RPS6KC1: variants seen among roughly 807,000 people sequenced by gnomAD.
RPS6KC1 encodes the protein inactive ribosomal protein S6 kinase delta-1.
A neutral mutation model predicts 103.8 loss-of-function variants in RPS6KC1; 54 were observed. The observed-to-expected ratio is 0.52, with a 90% CI of 0.42 to 0.65. The LOEUF (loss-of-function observed/expected upper bound fraction) is 0.65, where lower values mean the gene tolerates loss of function less well. Among genes scored for constraint, RPS6KC1 ranks in the 30% least tolerant of loss-of-function variants. RPS6KC1 has a pLI of 0.00. For synonymous variants in RPS6KC1, 439 were observed against 438.7 expected (o/e 1.00, Z -0.01); for missense variants, 1,151 against 1,253.8 (o/e 0.92, Z 1.24).
At chr1:213,521,570 T>C in the RPS6KC1 span, among the ~76,000 whole-genome samples, 1 of 152,314 alleles carries the variant, frequency 6.6e-6, no homozygotes, top group South Asian at 2.1e-4. Context: ...TACTGTTTGA[T>C]AGCATTTTAC....
the RPS6KC1 span, among the ~76,000 whole-genome samples, chr1:213,363,600 CGCTCGCTTGCTT>C: frequency 1.3e-3 from 96 of 76,582 alleles, 10 homozygotes; most frequent in African/African-American, 7.0e-3. Context: ...AGCCCTTGCT[CGCTCGCTTGCTT>C]GCTTGCTTGC....
At chr1:213,548,816 C>A in the RPS6KC1 span, among the ~76,000 whole-genome samples, 2 of 152,080 alleles carry the variant, frequency 1.3e-5, no homozygotes, top group Non-Finnish European at 2.9e-5. Flanking sequence ...TATTATAATT[C>A]TTGGAACTGT....
chr1:213,817,420 C>T, the RPS6KC1 span, among the ~76,000 whole-genome samples: 5 of 152,120 alleles, frequency 3.3e-5, no homozygotes, highest in South Asian at 1.0e-3. Flanking sequence ...ACTATTCCTA[C>T]AAGGCACTGG....
intron 7 of RPS6KC1, 78 bp from the exon 8 acceptor site, chr1:213,176,322 C>A: frequency 2.5e-6 from 2 of 791,652 alleles, no homozygotes; most frequent in South Asian, 2.4e-5. Flanking sequence ...TTTCCTTTGG[C>A]CTGGCATTTG....
At chr1:213,550,205 T>C in the RPS6KC1 span, among the ~76,000 whole-genome samples, 1 of 152,198 alleles carries the variant, frequency 6.6e-6, no homozygotes, top group Admixed American at 6.5e-5. Flanking sequence ...ATAGATATTA[T>C]GAAGTGAGAT....
chr1:213,633,629 A>T, the RPS6KC1 span, among the ~76,000 whole-genome samples: 8 of 152,000 alleles, frequency 5.3e-5, no homozygotes, highest in African/African-American at 1.9e-4. Flanking sequence ...CTAGGAAGAA[A>T]CCACACCAAC....
At chr1:213,507,341 G>A in the RPS6KC1 span, among the ~76,000 whole-genome samples, 1 of 152,146 alleles carries the variant, frequency 6.6e-6, no homozygotes, top group African/African-American at 2.4e-5. Flanking sequence ...CGCAGGGTGG[G>A]GGGCTGAAAT....
the RPS6KC1 span, among the ~76,000 whole-genome samples, chr1:213,741,113 C>G: frequency 6.7e-6 from 1 of 149,628 alleles, no homozygotes; most frequent in Admixed American, 6.7e-5. Context: ...GGGGCATTAT[C>G]TTTTTCTAAT....
intron 8 of RPS6KC1, among the ~76,000 whole-genome samples, chr1:213,202,590 G>A (rs1573237571): frequency 6.6e-6 from 1 of 152,078 alleles, no homozygotes; most frequent in East Asian, 1.9e-4. Flanking sequence ...TCAAACCTGG[G>A]CGATAGAGTG....
At chr1:213,815,279 T>G in the RPS6KC1 span, among the ~76,000 whole-genome samples, 1 of 152,210 alleles carries the variant, frequency 6.6e-6, no homozygotes, top group Non-Finnish European at 1.5e-5. Context: ...TTAAACCTCT[T>G]TCCCAGTTTC....
At chr1:213,116,454 G>A (rs1230738398) in intron 4 of RPS6KC1, among the ~76,000 whole-genome samples, 1 of 47,528 alleles carries the variant, frequency 2.1e-5, no homozygotes. Context: ...GTCTCTGCAC[G>A]TGAGATGGGT....
chr1:213,343,389 G>GTATATATATA, the RPS6KC1 span, among the ~76,000 whole-genome samples: 4 of 65,864 alleles, frequency 6.1e-5, 2 homozygotes, highest in African/African-American at 3.0e-4. Flanking sequence ...TCAGTGTTGT[G>GTATATATATA]TGTATATATA....
the RPS6KC1 span, among the ~76,000 whole-genome samples, chr1:213,356,474 G>A: frequency 6.6e-6 from 1 of 152,128 alleles, no homozygotes; most frequent in Non-Finnish European, 1.5e-5. Flanking sequence ...GGCCAACATG[G>A]TGAAACACTG....
At chr1:213,686,513 G>A in the RPS6KC1 span, among the ~76,000 whole-genome samples, 1 of 152,174 alleles carries the variant, frequency 6.6e-6, no homozygotes, top group Non-Finnish European at 1.5e-5. Context: ...GTCTAAACTT[G>A]CCATCATGGT....
chr1:213,254,150 A>G (rs184503794), intron 12 of RPS6KC1, among the ~76,000 whole-genome samples: 27 of 139,114 alleles, frequency 1.9e-4, no homozygotes, highest in Admixed American at 1.5e-3. Context: ...TTATTTATTC[A>G]CTTGTGAAAT....
the RPS6KC1 span, among the ~76,000 whole-genome samples, chr1:213,464,088 T>C: frequency 6.6e-6 from 1 of 152,228 alleles, no homozygotes; most frequent in Non-Finnish European, 1.5e-5. Flanking sequence ...GTTATTAAGT[T>C]TGCTAATATT....
chr1:213,617,058 C>T, the RPS6KC1 span, among the ~76,000 whole-genome samples: 3 of 152,298 alleles, frequency 2.0e-5, no homozygotes, highest in East Asian at 1.9e-4. Flanking sequence ...AGGTCTGACA[C>T]GTTCTTAGGA....
chr1:213,181,681 A>T (rs150114355), intron 8 of RPS6KC1, among the ~76,000 whole-genome samples: 218 of 152,336 alleles, frequency 1.4e-3, no homozygotes, highest in African/African-American at 5.0e-3. Flanking sequence ...GACATAGCAC[A>T]ACATTTTTTA....
chr1:213,459,044 A>G, the RPS6KC1 span, among the ~76,000 whole-genome samples: 1 of 152,202 alleles, frequency 6.6e-6, no homozygotes, highest in Admixed American at 6.5e-5. Context: ...GATGTTCATC[A>G]TGGATATTGG....
Sources: allele counts gnomAD v4.1 joint callset (sites outside exome capture counted in the v4.1 genomes callset), GRCh38; gene constraint gnomAD v4.1.1; transcripts MANE v1.5; gene names NCBI Gene and HGNC (gene_info 2026-07-23, HGNC 2026-07-21).